RUVBL2: variants seen among roughly 807,000 people sequenced by gnomAD.
The protein encoded by RUVBL2 is ruvB-like 2.
In RUVBL2, 9 loss-of-function variants were observed where a neutral mutation model predicts 57.9. The ratio of observed to expected loss-of-function variants is 0.16; its 90% confidence interval spans 0.09 to 0.27. The LOEUF (loss-of-function observed/expected upper bound fraction) is 0.27. RUVBL2 is among the 10% of genes least tolerant of loss of function. The pLI is 1.00. For synonymous variants in RUVBL2, 278 were observed against 264.6 expected, an observed-to-expected ratio of 1.05 and a Z score of -0.49; for missense variants, 456 against 669.6, an observed-to-expected ratio of 0.68 and a Z score of 3.52.
At chr19:49,012,231 C>T (rs1445540334) in intron 11 of RUVBL2, among the ~76,000 whole-genome samples, 1 of 152,158 alleles carries the variant, frequency 6.6e-6, no homozygotes, top group Non-Finnish European at 1.5e-5. Context: ...AGGGAAGAAG[C>T]GGGCACCCTA....
chr19:49,010,887 C>T (rs1293500018), intron 9 of RUVBL2, 112 bp from the exon 10 acceptor site: 13 of 1,022,128 alleles, frequency 1.3e-5, no homozygotes, highest in Non-Finnish European at 1.9e-5. Context: ...TCCCTCCTTG[C>T]TTTGCTCCCC....
At chr19:49,000,675 G>A (rs1445717784) in intron 2 of RUVBL2, among the ~76,000 whole-genome samples, 1 of 152,132 alleles carries the variant, frequency 6.6e-6, no homozygotes, top group African/African-American at 2.4e-5. Flanking sequence ...GACCAGCTTG[G>A]CCAACATGGT....
chr19:49,010,483 C>CCAA lies in RUVBL2; in HGVS notation c.664-5_664-4insCAA. The CCAA allele has an allele frequency of 6.3e-7, 1 of 1,575,918 alleles. No individual in the cohort carries two copies. Among genetic ancestry groups the CCAA allele is most frequent in the South Asian group, 1.1e-5 (1 of 90,080 alleles). On this transcript the variant is annotated splice_polypyrimidine_tract_variant and splice_region_variant and intron_variant, in intron 8 of 14. Coordinates refer to ENST00000595090, the MANE Select transcript of RUVBL2 (RefSeq NM_006666.3). ...CGCCGTTCTTCCCCCACCCCCGCCC[C>CCAA]ATAGACCAAGTTCGTGCAGTGCCCA... is the stretch of plus-strand genomic sequence containing the variant.
At chr19:48,997,418 GT>G (rs2039083293) in intron 1 of RUVBL2, among the ~76,000 whole-genome samples, 1 of 152,158 alleles carries the variant, frequency 6.6e-6, no homozygotes, top group Non-Finnish European at 1.5e-5. Flanking sequence ...GAGGTCAGGA[GT>G]TCAAGACCAG....
intron 6 of RUVBL2, among the ~76,000 whole-genome samples, chr19:49,007,824 C>A (rs1035451002): frequency 1.3e-5 from 2 of 152,060 alleles, no homozygotes; most frequent in Non-Finnish European, 1.5e-5. Context: ...TCTGCCTCAG[C>A]CTTCCGAGTA....
Position 49,015,564 on chromosome 19 carries a change from C to A in RUVBL2, c.1252-8C>A, listed in dbSNP as rs201505245. ...GGGCCCAACTGAGGACTCGCCCTCC[C>A]CCTCCAGGGTACAGAAGTGCAGGTG... On this transcript the variant is annotated splice_polypyrimidine_tract_variant and splice_region_variant and intron_variant, in intron 13 of 14. Coordinates refer to ENST00000595090, the MANE Select transcript of RUVBL2 (RefSeq NM_006666.3). 11 of 1,608,390 alleles carry A rather than the reference C, an allele frequency of 6.8e-6. No individual in the cohort carries two copies. Among genetic ancestry groups the A allele is most frequent in the Non-Finnish European group, 9.4e-6 (11 of 1,174,952 alleles).
At chr19:48,996,213 A>T (rs2039056426) in intron 1 of RUVBL2, among the ~76,000 whole-genome samples, 1 of 152,038 alleles carries the variant, frequency 6.6e-6, no homozygotes, top group Non-Finnish European at 1.5e-5. Context: ...CTCGGTTAGC[A>T]TGCTAGCTTC....
At chr19:48,995,400 C>T (rs1280559629) in intron 1 of RUVBL2, among the ~76,000 whole-genome samples, 1 of 150,562 alleles carries the variant, frequency 6.6e-6, no homozygotes, top group Non-Finnish European at 1.5e-5. Context: ...TCCTGGGTTC[C>T]AGCTTCCTAT....
chr19:49,013,346 C>G (rs568852102), intron 11 of RUVBL2, among the ~76,000 whole-genome samples: 2 of 151,314 alleles, frequency 1.3e-5, no homozygotes, highest in East Asian at 3.9e-4. Context: ...GCAATCCACC[C>G]GCCTCAGCCT....
chr19:48,994,078 T>A (rs1473252250), intron 1 of RUVBL2, 155 bp downstream of exon 1: 3 of 342,952 alleles, frequency 8.7e-6, no homozygotes, highest in Non-Finnish European at 1.5e-5. Context: ...GCCACCCAGA[T>A]CTGGGGGAGA....
upstream of RUVBL2, chr19:48,993,491 G>A (rs1393915277): frequency 2.3e-6 from 1 of 428,298 alleles, no homozygotes; most frequent in Non-Finnish European, 4.4e-6. Flanking sequence ...AGGGGGCGGA[G>A]CTTGCCGCTG....
At chr19:49,010,467 T>TCCCG in intron 8 of RUVBL2, 21 bp from the exon 9 acceptor site, 2 of 1,401,204 alleles carry the variant, frequency 1.4e-6, no homozygotes, top group Non-Finnish European at 9.9e-7. Context: ...CCGCCGTTCT[T>TCCCG]CCCCCACCCC....
At chr19:49,010,851 T>C (rs1050150105) in intron 9 of RUVBL2, 148 bp from the exon 10 acceptor site, 3 of 855,644 alleles carry the variant, frequency 3.5e-6, no homozygotes, top group Non-Finnish European at 3.8e-6. Flanking sequence ...CTGTTCCTCC[T>C]CTTTGGGGAT....
intron 1 of RUVBL2, among the ~76,000 whole-genome samples, chr19:48,995,603 C>A (rs1411766450): frequency 6.6e-6 from 1 of 151,826 alleles, no homozygotes. Flanking sequence ...TAATCCCACA[C>A]TTTGGGAGTC....
rs1451950691 is a variant in RUVBL2 at position 49,014,912 on chromosome 19, G to A, written c.1122-109G>A. On this transcript the variant is annotated intron_variant, in intron 12 of 14. Transcript: ENST00000595090. ...CAGCATTCTATGGTTCTAAGATGCAGGCGCCACATATTCCCAGTGGGGAAG... is the reference window on the plus strand; with the variant it reads ...CAGCATTCTATGGTTCTAAGATGCAAGCGCCACATATTCCCAGTGGGGAAG... 10 of 1,403,508 alleles carry A rather than the reference G, an allele frequency of 7.1e-6. No individual in the cohort carries two copies. The Admixed American group carries it at 2.2e-4, about 31-fold the overall frequency. 86.9% of individuals were successfully genotyped at this position (1,403,508 alleles called of 1,614,324 possible).
upstream of RUVBL2, chr19:48,993,518 G>A (rs1237816065): frequency 2.3e-6 from 1 of 437,710 alleles, no homozygotes; most frequent in Admixed American, 3.5e-5. Flanking sequence ...ACGGAAACGA[G>A]TGGCCTTCAG....
chr19:49,002,045 G>GT (rs1264647231), intron 2 of RUVBL2, among the ~76,000 whole-genome samples: 1 of 150,154 alleles, frequency 6.7e-6, no homozygotes, highest in Non-Finnish European at 1.5e-5. Flanking sequence ...TTTTTTGGTT[G>GT]GTTTTTTGTT....
At chr19:49,000,426 G>A (rs752826498) in intron 2 of RUVBL2, among the ~76,000 whole-genome samples, 3 of 151,886 alleles carry the variant, frequency 2.0e-5, no homozygotes, top group East Asian at 1.9e-4. Flanking sequence ...GTGGTGGCGC[G>A]TGCCTGTAAT....
rs754971094 is a variant in RUVBL2, at chr19:49,010,026, C to G, written c.623C>G (p.Ser208Cys). Residue 208 changes from serine to cysteine, a missense_variant, in exon 8 of 15, where the codon TCC (serine) becomes TGC (cysteine). By Grantham distance (112) the Ser-to-Cys change is moderately radical. Coordinates refer to ENST00000595090, the MANE Select transcript of RUVBL2 (RefSeq NM_006666.3). ...ATGKISKLGR[S>C]FTRARDYDAM... The stretch of plus-strand genomic sequence containing the variant: ...GGCAAGATCTCCAAGCTGGGCCGCT[C>G]CTTCACACGCGCCCGCGACTACGAC... 20 of 1,593,268 alleles carry G rather than the reference C, an allele frequency of 1.3e-5. No homozygotes were observed. Among genetic ancestry groups the G allele is most frequent in the Non-Finnish European group, 1.7e-5 (20 of 1,168,442 alleles).
Sources: gnomAD v4.1 joint callset for allele counts (sites outside exome capture counted in the v4.1 genomes callset) on GRCh38, gnomAD v4.1.1 for gene constraint, MANE v1.5 for transcripts, NCBI Gene and HGNC (gene_info 2026-07-23, HGNC 2026-07-21) for gene names.